HS2ST1: variants seen among roughly 807,000 people sequenced by gnomAD.
The protein encoded by HS2ST1 is 2-O-sulfotransferase.
A neutral mutation model predicts 42.9 loss-of-function variants in HS2ST1; 18 were observed. That is an observed-to-expected ratio of 0.42 (90% CI 0.29 to 0.62). The LOEUF (loss-of-function observed/expected upper bound fraction) is 0.62. HS2ST1 is among the 20% of genes least tolerant of loss of function. The pLI is 0.21. For missense variants in HS2ST1, 334 were observed against 433.8 expected (o/e 0.77, Z 2.04); for synonymous variants, 146 against 152.9 (o/e 0.95, Z 0.33).
At chr1:86,949,093 AT>A (rs1647424883) in intron 1 of HS2ST1, among the ~76,000 whole-genome samples, 2 of 152,150 alleles carry the variant, frequency 1.3e-5, no homozygotes, top group South Asian at 4.1e-4. Flanking sequence ...TTAAAAAATG[AT>A]AAAAAATTTA....
chr1:87,047,585 A>G (rs1426433997), intron 1 of HS2ST1, among the ~76,000 whole-genome samples: 1 of 152,156 alleles, frequency 6.6e-6, no homozygotes, highest in Non-Finnish European at 1.5e-5. Context: ...ATTTTTGTAT[A>G]TGATGTGAAG....
At chr1:87,024,565 A>G (rs1650039186) in intron 1 of HS2ST1, among the ~76,000 whole-genome samples, 1 of 151,944 alleles carries the variant, frequency 6.6e-6, no homozygotes, top group Admixed American at 6.6e-5. Context: ...GTGCTCTGCC[A>G]CTTAGGGACT....
Position 87,107,182 on chromosome 1 carries a change from C to G in HS2ST1, c.*2486C>G, listed in dbSNP as rs932082944. The stretch of plus-strand genomic sequence containing the variant: ...CCTCTTTGTGTCTCTACTCTAGATG[C>G]CTAAAAGAGTTTATATACTTCTAAA... On this transcript the variant is annotated 3_prime_UTR_variant, in exon 7 of 7. Transcript: ENST00000370550. 5 of 151,994 alleles carry G rather than the reference C, an allele frequency of 3.3e-5. No homozygotes were observed. The highest frequency in any genetic ancestry group is 6.6e-5 in the Admixed American group (1 of 15,236). 9.4% of individuals were successfully genotyped at this position (151,994 alleles called of 1,614,324 possible).
chr1:87,045,061 A>C, intron 1 of HS2ST1: 2 of 1,140,978 alleles, frequency 1.8e-6, no homozygotes, highest in Non-Finnish European at 2.7e-6. Flanking sequence ...GCATTCTTTG[A>C]AGAATCTTCT....
chr1:86,936,835 C>T (rs947840367), intron 1 of HS2ST1, among the ~76,000 whole-genome samples: 3 of 151,582 alleles, frequency 2.0e-5, no homozygotes, highest in Non-Finnish European at 4.4e-5. Context: ...GTGGCTCAGG[C>T]CTGTAATCCC....
chr1:86,950,185 G>T (rs1024902723), intron 1 of HS2ST1, among the ~76,000 whole-genome samples: 1 of 152,158 alleles, frequency 6.6e-6, no homozygotes, highest in Non-Finnish European at 1.5e-5. Context: ...GATATGGTGC[G>T]CTGAGAAGAG....
intron 4 of HS2ST1, among the ~76,000 whole-genome samples, chr1:87,093,572 T>C (rs910515369): frequency 7.9e-5 from 12 of 152,122 alleles, no homozygotes; most frequent in Non-Finnish European, 1.8e-4. Context: ...TATTTTGTGA[T>C]ATTTGGATTA....
chr1:86,928,852 A>G (rs1357844816), intron 1 of HS2ST1, among the ~76,000 whole-genome samples: 4 of 151,960 alleles, frequency 2.6e-5, no homozygotes, highest in Non-Finnish European at 5.9e-5. Flanking sequence ...AGGGATATGT[A>G]TGACTTTTGC....
intron 1 of HS2ST1, among the ~76,000 whole-genome samples, chr1:87,049,626 T>C (rs774368398): frequency 6.6e-6 from 1 of 152,104 alleles, no homozygotes; most frequent in Non-Finnish European, 1.5e-5. Flanking sequence ...TCAGAGAATA[T>C]ATTTTGTATG....
chr1:87,030,279 A>G (rs755102649), intron 1 of HS2ST1, among the ~76,000 whole-genome samples: 9 of 152,158 alleles, frequency 5.9e-5, no homozygotes, highest in Non-Finnish European at 1.2e-4. Context: ...ACTGGAGGAT[A>G]TCTTGGGCCA....
chr1:86,973,462 C>G (rs888583689), intron 1 of HS2ST1, among the ~76,000 whole-genome samples: 2 of 152,042 alleles, frequency 1.3e-5, no homozygotes, highest in East Asian at 3.9e-4. Flanking sequence ...ACCCTAAATT[C>G]TAATCTTGGA....
At chr1:86,947,780 G>A (rs920830927) in intron 1 of HS2ST1, among the ~76,000 whole-genome samples, 1 of 152,102 alleles carries the variant, frequency 6.6e-6, no homozygotes, top group Non-Finnish European at 1.5e-5. Flanking sequence ...CCAAATGTGT[G>A]CCGTTTGAGG....
chr1:87,071,729 G>C (rs1278842091), intron 1 of HS2ST1, among the ~76,000 whole-genome samples: 1 of 107,912 alleles, frequency 9.3e-6, no homozygotes, highest in African/African-American at 3.2e-5. Context: ...CTCTGTCTCC[G>C]AAAAAAAAAA....
rs181302353 is a variant in HS2ST1, at chr1:87,029,555, C to T, written c.125-43379C>T. Among the ~76,000 whole-genome samples the T allele has an allele frequency of 3.3e-5, 5 of 152,168 alleles. No individual in the cohort carries two copies. The East Asian group carries it at 5.8e-4, about 18-fold the overall frequency. On this transcript the variant is annotated intron_variant, in intron 1 of 6. Coordinates refer to ENST00000370550, the MANE Select transcript of HS2ST1 (RefSeq NM_012262.4). ...ATTGTACAAAATATTAGTGATAAAGCTGAGAAAAGGCAACAGTAAAACAAA... is the reference window on the plus strand; with the variant it reads ...ATTGTACAAAATATTAGTGATAAAGTTGAGAAAAGGCAACAGTAAAACAAA...
At chr1:86,987,647 T>C (rs1648829735) in intron 1 of HS2ST1, among the ~76,000 whole-genome samples, 1 of 152,176 alleles carries the variant, frequency 6.6e-6, no homozygotes, top group Non-Finnish European at 1.5e-5. Flanking sequence ...TCTTCAGTGG[T>C]CCACACTGCA....
At chr1:87,061,859 G>GT (rs1651128576) in intron 1 of HS2ST1, among the ~76,000 whole-genome samples, 1 of 150,562 alleles carries the variant, frequency 6.6e-6, no homozygotes, top group Non-Finnish European at 1.5e-5. Context: ...CTCCAGCAAT[G>GT]TATGAGGGTT....
intron 2 of HS2ST1, among the ~76,000 whole-genome samples, chr1:87,081,094 C>A (rs1239387431): frequency 6.6e-6 from 1 of 152,084 alleles, no homozygotes; most frequent in East Asian, 1.9e-4. Context: ...GATAGATAGA[C>A]CCCAATACAA....
intron 1 of HS2ST1, among the ~76,000 whole-genome samples, chr1:87,021,196 C>G (rs1205362147): frequency 6.6e-6 from 1 of 152,106 alleles, no homozygotes; most frequent in Non-Finnish European, 1.5e-5. Context: ...GTGTGTTTCT[C>G]ACTCCCAGAA....
intron 4 of HS2ST1, among the ~76,000 whole-genome samples, chr1:87,096,089 A>G (rs1652060838): frequency 6.6e-6 from 1 of 151,712 alleles, no homozygotes; most frequent in South Asian, 2.1e-4. Flanking sequence ...TTTTGGTTGA[A>G]TTGAGGAAAT....
Sources: allele counts gnomAD v4.1 joint callset (sites outside exome capture counted in the v4.1 genomes callset), GRCh38; gene constraint gnomAD v4.1.1; transcripts MANE v1.5; gene names NCBI Gene and HGNC (gene_info 2026-07-23, HGNC 2026-07-21).